STAU1: variants seen among roughly 807,000 people sequenced by gnomAD.
The protein encoded by STAU1 is staufen double-stranded RNA binding protein 1.
Under a neutral mutation model 62.9 loss-of-function variants are expected in STAU1, and 13 were observed. The observed-to-expected ratio is 0.21, with a 90% confidence interval of 0.13 to 0.33. The LOEUF (loss-of-function observed/expected upper bound fraction) is 0.33, where lower values mean the gene tolerates loss of function less well. STAU1 is among the 10% of genes least tolerant of loss of function. STAU1 has a pLI of 1.00. For synonymous variants in STAU1, 269 were observed against 265.1 expected, an observed-to-expected ratio of 1.01 and a Z score of -0.14; for missense variants, 571 against 712.1, an observed-to-expected ratio of 0.80 and a Z score of 2.25.
chr20:49,215,584 G>A, the STAU1 span, among the ~76,000 whole-genome samples: 4 of 152,078 alleles, frequency 2.6e-5, no homozygotes, highest in African/African-American at 9.7e-5. Context: ...TAATATTTGT[G>A]GGATTAAGGA....
At chr20:49,132,031 C>CT (rs374636346) in intron 6 of STAU1, among the ~76,000 whole-genome samples, 2,136 of 145,336 alleles carry the variant, frequency 0.015, 43 homozygotes, top group African/African-American at 0.049. Context: ...TGGATGCACT[C>CT]TTTTTTTTTT....
At chr20:49,178,844 C>A (rs929016581) in intron 1 of STAU1, among the ~76,000 whole-genome samples, 1 of 145,436 alleles carries the variant, frequency 6.9e-6, no homozygotes, top group African/African-American at 2.5e-5. Flanking sequence ...GAGGCCAAGG[C>A]GAGTGGATCA....
chr20:49,129,446 C>A (rs970142535), intron 6 of STAU1, among the ~76,000 whole-genome samples: 4 of 151,060 alleles, frequency 2.6e-5, no homozygotes, highest in Non-Finnish European at 5.9e-5. Context: ...CACAACCATG[C>A]CCACCTAATT....
chr20:49,198,997 T>G, the STAU1 span, among the ~76,000 whole-genome samples: 1 of 149,140 alleles, frequency 6.7e-6, no homozygotes, highest in East Asian at 2.0e-4. Context: ...AATACAAAAA[T>G]TAGCTGGGCG....
chr20:49,207,837 T>C, the STAU1 span, among the ~76,000 whole-genome samples: 1 of 151,970 alleles, frequency 6.6e-6, no homozygotes, highest in Non-Finnish European at 1.5e-5. Context: ...GGCTTTTAAA[T>C]TACTGAACCG....
chr20:49,114,000 A>G lies in STAU1; in HGVS notation c.*878T>C, dbSNP rs2092246757. 6.5e-6 allele frequency: 1 copy of G among 152,672 alleles called. No homozygotes were observed. The highest frequency in any genetic ancestry group is 6.5e-5 in the Admixed American group (1 of 15,284). The allele number at this position is 152,672 out of a possible 1,614,324, so 9.5% of individuals were successfully genotyped here. A position where few individuals can be genotyped will look rare whatever the true frequency, so the allele number is the denominator to read the frequency against. The stretch of plus-strand genomic sequence containing the variant: ...TGATCATCTAAAGTTTAAAATTCCT[A>G]AATTGTCCAATTTATACAACTGTGG... On this transcript the variant is annotated 3_prime_UTR_variant, in exon 14 of 14. Coordinates refer to ENST00000371856, the MANE Select transcript of STAU1 (RefSeq NM_017453.4).
At chr20:49,202,400 TAA>T in the STAU1 span, among the ~76,000 whole-genome samples, 1 of 149,480 alleles carries the variant, frequency 6.7e-6, no homozygotes, top group Non-Finnish European at 1.5e-5. Context: ...GATCTCTACT[TAA>T]AAAACATAAA....
Position 49,118,341 on chromosome 20 carries a change from T to C in STAU1, c.1181A>G (p.Asn394Ser). The change falls in exon 10 of 14, where the codon AAT (asparagine) becomes AGT (serine). Residue 394 changes from asparagine to serine, a missense_variant. By Grantham distance (46) the Asn-to-Ser change is conservative. Transcript: ENST00000371856. ...TFFEPGSGDE[N>S]GTSNKEDEFR... ...ATTAAGATCACACTTACTAGTCCCA[T>C]TTTCATCCCCAGAGCCAGGTTCAAA... The C allele has an allele frequency of 1.2e-6, 2 of 1,613,458 alleles. No individual in the cohort carries two copies. Among genetic ancestry groups the C allele is most frequent in the Non-Finnish European group, 1.7e-6 (2 of 1,179,614 alleles).
intron 6 of STAU1, 158 bp from the exon 7 acceptor site, chr20:49,124,745 C>T: frequency 1.4e-6 from 1 of 733,720 alleles, no homozygotes; most frequent in African/African-American, 1.8e-5. Flanking sequence ...TGCTTTCTCG[C>T]CTTTCTTCTT....
intron 5 of STAU1, among the ~76,000 whole-genome samples, chr20:49,146,976 A>T (rs747558235): frequency 7.2e-5 from 11 of 152,078 alleles, no homozygotes; most frequent in Non-Finnish European, 1.2e-4. Flanking sequence ...ACTGAGTAAA[A>T]CTCATACTTC....
chr20:49,164,071 A>C (rs574214790), intron 3 of STAU1, among the ~76,000 whole-genome samples: 1 of 152,198 alleles, frequency 6.6e-6, no homozygotes, highest in East Asian at 1.9e-4. Flanking sequence ...ATCTCTACTA[A>C]AAATACAAAA....
At chr20:49,161,983 T>C (rs2093455413) in intron 3 of STAU1, among the ~76,000 whole-genome samples, 1 of 152,172 alleles carries the variant, frequency 6.6e-6, no homozygotes, top group Non-Finnish European at 1.5e-5. Flanking sequence ...ATCACTGCTA[T>C]TAAAACCAAC....
Position 49,126,588 on chromosome 20 carries a change from C to CAAAAAAAAAAAACAAAAAAAAAACAAA in STAU1, c.610-2002_610-2001insTTTGTTTTTTTTTTGTTTTTTTTTTTT. 6.7e-4 allele frequency among the ~76,000 whole-genome samples: 38 copies of CAAAAAAAAAAAACAAAAAAAAAACAAA among 56,320 alleles called. 1 individual carries two copies. Among genetic ancestry groups the CAAAAAAAAAAAACAAAAAAAAAACAAA allele is most frequent in the Non-Finnish European group, 1.3e-3 (34 of 27,054 alleles). The allele number at this position is 56,320 out of a possible 152,430, so 36.9% of individuals were successfully genotyped here. On this transcript the variant is annotated intron_variant, in intron 6 of 13. Transcript: ENST00000371856. ...GTCTCAAAAAGCAAAAAAAAAAAAA[C>CAAAAAAAAAAAACAAAAAAAAAACAAA]AAAAAAAAAACAAAAAAACTTAAAA...
chr20:49,120,115 T>A lies in STAU1; in HGVS notation c.980A>T (p.Asn327Ile), dbSNP rs1363074238. Reference sequence around the variant, plus strand: ...GGTGCCCGTTCCTTCTGCAGTGTGGTTTCCAACCTTCACCTGCACAAAGAA... The same window carrying A: ...GGTGCCCGTTCCTTCTGCAGTGTGGATTCCAACCTTCACCTGCACAAAGAA... The part of the protein sequence containing the change: ...REFVMQVKVG[N>I]HTAEGTGTNK... The change falls in exon 9 of 14, where the codon AAC becomes ATC. Residue 327 changes from asparagine to isoleucine, a missense_variant. Coordinates refer to ENST00000371856, the MANE Select transcript of STAU1 (RefSeq NM_017453.4). 1 of 1,613,566 alleles carries A rather than the reference T, an allele frequency of 6.2e-7. No homozygotes were observed. The highest frequency in any genetic ancestry group is 8.5e-7 in the Non-Finnish European group (1 of 1,179,582).
intron 5 of STAU1, among the ~76,000 whole-genome samples, chr20:49,149,882 T>A (rs570279949): frequency 1.3e-5 from 2 of 152,096 alleles, no homozygotes; most frequent in African/African-American, 4.8e-5. Flanking sequence ...GCAGGCACCC[T>A]GCCCAAGGTC....
chr20:49,164,490 C>T (rs1188435903), intron 3 of STAU1, among the ~76,000 whole-genome samples: 1 of 151,504 alleles, frequency 6.6e-6, no homozygotes, highest in African/African-American at 2.4e-5. Flanking sequence ...GGGATTTCAC[C>T]ATGTTGCCCA....
chr20:49,149,344 A>AC lies in STAU1; in HGVS notation c.510+2237dup, dbSNP rs397945225. On this transcript the variant is annotated intron_variant, in intron 5 of 13. Coordinates refer to ENST00000371856, the MANE Select transcript of STAU1 (RefSeq NM_017453.4). Reference sequence around the variant, plus strand: ...ACTGTCTCAAAACACACACACACACACCCCCAAGCAAGTACAACAAAAGCA... The same window carrying AC: ...ACTGTCTCAAAACACACACACACACACCCCCCAAGCAAGTACAACAAAAGCA... 7.1e-3 allele frequency among the ~76,000 whole-genome samples: 1,068 copies of AC among 151,242 alleles called. 15 individuals are homozygous for AC. The highest frequency in any genetic ancestry group is 0.025 in the African/African-American group (1,020 of 41,280).
intron 3 of STAU1, among the ~76,000 whole-genome samples, chr20:49,154,661 C>T (rs1317801513): frequency 2.0e-5 from 3 of 151,914 alleles, no homozygotes; most frequent in South Asian, 4.2e-4. Flanking sequence ...GTCAGGGTAT[C>T]GAGACCATCT....
chr20:49,133,656 A>G (rs1398794345), intron 6 of STAU1, among the ~76,000 whole-genome samples: 2 of 152,120 alleles, frequency 1.3e-5, no homozygotes, highest in Non-Finnish European at 2.9e-5. Flanking sequence ...CAGGGAGGGA[A>G]TGTAGGGCCA....
Sources: allele counts gnomAD v4.1 joint callset (sites outside exome capture counted in the v4.1 genomes callset), GRCh38; gene constraint gnomAD v4.1.1; transcripts MANE v1.5; gene names NCBI Gene and HGNC (gene_info 2026-07-23, HGNC 2026-07-21).